Variants in ERCC6L2 observed in about 807,000 individuals in gnomAD.
ERCC6L2 encodes the protein DNA excision repair protein ERCC-6-like 2.
In ERCC6L2, 77 loss-of-function variants were observed where a neutral mutation model predicts 132.0. The ratio of observed to expected loss-of-function variants is 0.58; its 90% CI spans 0.49 to 0.71. The LOEUF is 0.71. Among genes scored for constraint, ERCC6L2 ranks in the 30% least tolerant of loss-of-function variants. The probability of loss-of-function intolerance (pLI) is 0.00; values close to 1 mark genes in which losing one functional copy is unlikely to be tolerated. For synonymous variants in ERCC6L2, 583 were observed against 632.4 expected, an observed-to-expected ratio of 0.92 and a Z score of 1.17; for missense variants, 1,542 against 1,837.6, an observed-to-expected ratio of 0.84 and a Z score of 2.94.
rs1355057149 is a variant in ERCC6L2, at chr9:96,015,026, T to TTG, written c.*1824_*1825insGT. 0.015 allele frequency among the ~76,000 whole-genome samples: 1,912 copies of TTG among 128,456 alleles called. 78 individuals are homozygous for TTG. The highest frequency in any genetic ancestry group is 0.057 in the African/African-American group (1,831 of 32,072). The allele number at this position is 128,456 out of a possible 152,430, so 84.3% of individuals were successfully genotyped here. A position where few individuals can be genotyped will look rare whatever the true frequency, so the allele number is the denominator to read the frequency against. The stretch of plus-strand genomic sequence containing the variant: ...TTCATATATGTACAGTTTTTTTTTT[T>TTG]TTTTTTTTTTTTTTGAGATTGAGTC... On this transcript the variant is annotated 3_prime_UTR_variant, in exon 19 of 19. Transcript: ENST00000653738.
At chr9:95,898,915 T>G (rs1435195862) in intron 3 of ERCC6L2, among the ~76,000 whole-genome samples, 1 of 152,148 alleles carries the variant, frequency 6.6e-6, no homozygotes, top group African/African-American at 2.4e-5. Context: ...AATAAATGCA[T>G]CCTGAGTATC....
intron 12 of ERCC6L2, among the ~76,000 whole-genome samples, chr9:95,945,862 C>T (rs1831035160): frequency 6.6e-6 from 1 of 151,904 alleles, no homozygotes; most frequent in Admixed American, 6.6e-5. Context: ...AGAACTAAAT[C>T]CAAACATAAA....
At chr9:95,921,337 T>C in intron 7 of ERCC6L2, 22 bp downstream of exon 7, 1 of 1,595,176 alleles carries the variant, frequency 6.3e-7, no homozygotes, top group Non-Finnish European at 8.5e-7. Flanking sequence ...AATATATCTT[T>C]ATAATCATGC....
intron 19 of ERCC6L2, among the ~76,000 whole-genome samples, chr9:96,029,320 AAAAC>A (rs1257400718): frequency 7.4e-5 from 11 of 148,970 alleles, no homozygotes; most frequent in African/African-American, 1.5e-4. Context: ...AAAAAAAAAA[AAAAC>A]AAAAAAAAAA....
chr9:96,023,366 A>C (rs1335645823), downstream of ERCC6L2, among the ~76,000 whole-genome samples: 1 of 152,084 alleles, frequency 6.6e-6, no homozygotes, highest in Non-Finnish European at 1.5e-5. Flanking sequence ...TTTTTTATAT[A>C]ATGTTTAATT....
At chr9:95,936,210 A>T (rs552864914) in intron 11 of ERCC6L2, among the ~76,000 whole-genome samples, 66 of 152,200 alleles carry the variant, frequency 4.3e-4, no homozygotes, top group Non-Finnish European at 9.1e-4. Context: ...GTCTATAGTG[A>T]TACTTAGCAT....
downstream of ERCC6L2, among the ~76,000 whole-genome samples, chr9:96,018,762 T>G (rs141922603): frequency 1.2e-4 from 19 of 152,318 alleles, no homozygotes; most frequent in African/African-American, 4.6e-4. Flanking sequence ...TGTATTTTAT[T>G]TGCTTTGCTG....
intron 18 of ERCC6L2, among the ~76,000 whole-genome samples, chr9:96,006,156 A>C (rs767102483): frequency 4.6e-5 from 7 of 152,218 alleles, no homozygotes; most frequent in Non-Finnish European, 4.4e-5. Context: ...TAGAGTTTAT[A>C]AATGGTCTTC....
chr9:95,981,038 T>C (rs1270761297), intron 17 of ERCC6L2, among the ~76,000 whole-genome samples: 1 of 152,214 alleles, frequency 6.6e-6, no homozygotes, highest in Non-Finnish European at 1.5e-5. Flanking sequence ...GCAGACGTAT[T>C]GTCTCAGTAA....
chr9:96,029,301 C>CT (rs1196936455), intron 19 of ERCC6L2, among the ~76,000 whole-genome samples: 2 of 79,016 alleles, frequency 2.5e-5, no homozygotes, highest in South Asian at 5.9e-4. Flanking sequence ...AAGACTCCGT[C>CT]TCAAAAAAAA....
At chr9:96,030,524 C>T (rs1408243541) in intron 19 of ERCC6L2, among the ~76,000 whole-genome samples, 1 of 151,806 alleles carries the variant, frequency 6.6e-6, no homozygotes, top group Non-Finnish European at 1.5e-5. Context: ...GGTGAAACCC[C>T]GTCTCTACTA....
chr9:95,991,057 G>A (rs1330838621), intron 17 of ERCC6L2, among the ~76,000 whole-genome samples: 2 of 152,002 alleles, frequency 1.3e-5, no homozygotes, highest in African/African-American at 4.8e-5. Context: ...AGGCTCCGAT[G>A]CTCAGTTGCT....
intron 11 of ERCC6L2, 133 bp downstream of exon 11, chr9:95,928,997 C>A: frequency 1.7e-6 from 1 of 575,244 alleles, no homozygotes; most frequent in Non-Finnish European, 2.8e-6. Flanking sequence ...CTATTATGAC[C>A]GAAATTTCAA....
At chr9:96,033,237 A>T (rs1310690795) in intron 19 of ERCC6L2, among the ~76,000 whole-genome samples, 9 of 145,548 alleles carry the variant, frequency 6.2e-5, no homozygotes, top group Non-Finnish European at 6.0e-5. Flanking sequence ...GGAAACCATA[A>T]ATGATTCTGG....
intron 11 of ERCC6L2, among the ~76,000 whole-genome samples, chr9:95,932,312 C>CCT (rs1250807389): frequency 6.6e-6 from 1 of 152,140 alleles, no homozygotes; most frequent in African/African-American, 2.4e-5. Context: ...GATCTACCTG[C>CCT]CTCGCCCTCC....
chr9:95,904,916 GAATTTT>G (rs1277481835), intron 3 of ERCC6L2: 4 of 152,254 alleles, frequency 2.6e-5, no homozygotes, highest in African/African-American at 7.2e-5. Context: ...GTAAGCAAAT[GAATTTT>G]AATTTTATTT....
At chr9:96,039,094 A>G (rs1338071488) in exon 20 of ERCC6L2, among the ~76,000 whole-genome samples, 1 of 152,176 alleles carries the variant, frequency 6.6e-6, no homozygotes, top group African/African-American at 2.4e-5. Flanking sequence ...CGAGAGACCC[A>G]AGCCACAACT....
chr9:95,967,996 C>T (rs1462326355), intron 14 of ERCC6L2: 2 of 152,088 alleles, frequency 1.3e-5, no homozygotes, highest in African/African-American at 4.8e-5. Context: ...CTGTTTTTAT[C>T]AGAATAACCA....
intron 2 of ERCC6L2, among the ~76,000 whole-genome samples, chr9:95,892,092 G>GT (rs1223637878): frequency 6.6e-6 from 1 of 151,968 alleles, no homozygotes; most frequent in African/African-American, 2.4e-5. Flanking sequence ...TAATTTTAAT[G>GT]TATGTGTAAA....
Sources: gnomAD v4.1 joint callset for allele counts (sites outside exome capture counted in the v4.1 genomes callset) on GRCh38, gnomAD v4.1.1 for gene constraint, MANE v1.5 for transcripts, NCBI Gene and HGNC (gene_info 2026-07-23, HGNC 2026-07-21) for gene names.